Variants in TTN observed in about 807,000 individuals in gnomAD.
The protein encoded by TTN is connectin.
In TTN, 1,525 loss-of-function variants were observed where a neutral mutation model predicts 3,223.0. The ratio of observed to expected loss-of-function variants is 0.47; its 90% CI spans 0.45 to 0.49. TTN has a LOEUF of 0.49. Ranked by LOEUF, TTN falls within the 20% of genes least tolerant of loss-of-function variation. The probability of loss-of-function intolerance (pLI) is 0.00; values close to 1 mark genes in which losing one functional copy is unlikely to be tolerated. For missense variants in TTN, 40,786 were observed against 43,424.0 expected (o/e 0.94, Z 5.40); for synonymous variants, 14,094 against 15,161.0 (o/e 0.93, Z 5.17).
intron 21 of TTN, among the ~76,000 whole-genome samples, chr2:178,780,764 T>C (rs2092694368): frequency 6.6e-6 from 1 of 152,210 alleles, no homozygotes. Context: ...ACACAGCTAC[T>C]GTCTCTTTGA....
rs377256863 is a variant in TTN, at chr2:178,547,535, T to C, written c.94091A>G (p.Lys31364Arg). The part of the protein sequence containing the change: ...TAWQLVNSSV[K>R]RTQIKVTHLT... ...ATGAGTGACTTTAATTTGAGTGCGC[T>C]TGACACTGGAATTGACAAGCTGCCA... The change falls in exon 339 of 363, where the codon AAG (lysine) becomes AGG (arginine). Residue 31364 changes from lysine to arginine, a missense_variant. Lys to Arg is a conservative substitution (Grantham distance 26). Transcript: ENST00000589042. 1.1e-5 allele frequency: 18 copies of C among 1,613,712 alleles called. No homozygotes were observed. In the Admixed American group the frequency reaches 2.8e-4, roughly 25 times the overall value.
chr2:178,544,388 T>C lies in TTN; in HGVS notation c.95841A>G (p.Glu31947=), dbSNP rs370652120. ...GGTDIVGYVL[E]MQEKDTDQWY... ...ACTGATCAGTGTCCTTCTCTTGCAT[T>C]TCCAGAACATATCCTACAATGTCAG... Residue 31947 remains glutamate, a synonymous_variant, in exon 345 of 363, where the codon GAA becomes GAG. Coordinates refer to ENST00000589042, the MANE Select transcript of TTN (RefSeq NM_001267550.2). 47 of 1,613,676 alleles carry C rather than the reference T, an allele frequency of 2.9e-5. No homozygotes were observed. Among genetic ancestry groups the C allele is most frequent in the Non-Finnish European group, 4.0e-5 (47 of 1,179,744 alleles).
rs766840243 is a variant in TTN at position 178,563,892 on chromosome 2, G to A, written c.82240C>T (p.Arg27414Ter). 1 of 1,613,618 alleles carries A rather than the reference G, an allele frequency of 6.2e-7. No individual in the cohort carries two copies. The highest frequency in any genetic ancestry group is 8.5e-7 in the Non-Finnish European group (1 of 1,179,714). Residue 27414 changes from arginine to a stop codon, truncating the protein, a stop_gained, in exon 326 of 363, where the codon CGA becomes TGA. Coordinates refer to ENST00000589042, the MANE Select transcript of TTN (RefSeq NM_001267550.2). LOFTEE classifies it high-confidence loss of function. This position sits in a 1 kb window ranked among gnomAD's most constrained non-coding sequence, Gnocchi z 4.5. The stretch of plus-strand genomic sequence containing the variant: ...GTTGAAACCTGGGTCCAAGAGAGTC[G>A]GCTTGTCTCCCTCTTTTCAATGATG... ...HYIIEKRETS[R>*]LSWTQVSTEV...
rs969387315 is a variant in TTN at position 178,751,260 on chromosome 2, C to T, written c.11311+1864G>A. ...TCTAAAAGAGATAATTTCTTTTTCT[C>T]CATTAATGTTTTTCTAGCCTCCCTT... On this transcript the variant is annotated intron_variant, in intron 47 of 362. Transcript: ENST00000589042. 1.1e-5 allele frequency: 18 copies of T among 1,608,632 alleles called. No homozygotes were observed. In the African/African-American group the frequency reaches 1.6e-4, roughly 14 times the overall value.
Position 178,538,101 on chromosome 2 carries a change from G to A in TTN, c.99290-184C>T, listed in dbSNP as rs962877578. 4 of 610,320 alleles carry A rather than the reference G, an allele frequency of 6.6e-6. No homozygotes were observed. In the African/African-American group the frequency reaches 7.4e-5, roughly 11 times the overall value. 37.8% of individuals were successfully genotyped at this position (610,320 alleles called of 1,614,324 possible). A position where few individuals can be genotyped will look rare whatever the true frequency, so the allele number is the denominator to read the frequency against. Reference sequence around the variant, plus strand: ...ATCATATGGTAAATAGGGATTCAATGAGCACATCGTCACATTTTATGTAGA... The same window carrying A: ...ATCATATGGTAAATAGGGATTCAATAAGCACATCGTCACATTTTATGTAGA... On this transcript the variant is annotated intron_variant, in intron 354 of 362. Coordinates refer to ENST00000589042, the MANE Select transcript of TTN (RefSeq NM_001267550.2).
In TTN at chr2:178,546,384, C is replaced by G; in HGVS notation, c.94947G>C (p.Trp31649Cys). Reference sequence around the variant, plus strand: ...GATCTAGCTCCTTGTCTCCTTTGGTCCAGATAATTTTGGGTTCAGGTTTGC... The same window carrying G: ...GATCTAGCTCCTTGTCTCCTTTGGTGCAGATAATTTTGGGTTCAGGTTTGC... ...VGGKPEPKII[W>C]TKGDKELDLC... is the part of the protein sequence containing the mutation. The change falls in exon 342 of 363, where the codon TGG (tryptophan) becomes TGC (cysteine). Residue 31649 changes from tryptophan to cysteine, a missense_variant. By Grantham distance (215) the Trp-to-Cys change is radical. Coordinates refer to ENST00000589042, the MANE Select transcript of TTN (RefSeq NM_001267550.2). 6.2e-7 allele frequency: 1 copy of G among 1,613,690 alleles called. No individual in the cohort carries two copies. Among genetic ancestry groups the G allele is most frequent in the Non-Finnish European group, 8.5e-7 (1 of 1,179,750 alleles).
rs1553627146 is a variant in TTN, at chr2:178,582,094, A to C, written c.66275T>G (p.Leu22092Arg). 1 of 1,613,130 alleles carries C rather than the reference A, an allele frequency of 6.2e-7. No individual in the cohort carries two copies. The highest frequency in any genetic ancestry group is 8.5e-7 in the Non-Finnish European group (1 of 1,179,506). The change falls in exon 315 of 363, where the codon CTT becomes CGT. Residue 22092 changes from leucine to arginine, a missense_variant. Leu to Arg is a moderately radical substitution (Grantham distance 102, BLOSUM62 -2). Coordinates refer to ENST00000589042, the MANE Select transcript of TTN (RefSeq NM_001267550.2). Reference sequence around the variant, plus strand: ...AACAGCCTGGGTTTCCCGCTTTTCAAGCAAATAGCCAGTGATGGGTGAGCC... The same window carrying C: ...AACAGCCTGGGTTTCCCGCTTTTCACGCAAATAGCCAGTGATGGGTGAGCC... The part of the protein sequence containing the change: ...DGGSPITGYL[L>R]EKRETQAVNW...
At position 178,663,663 on chromosome 2, in the gene TTN, C is replaced by T; in HGVS notation, c.36496G>A (p.Ala12166Thr). 1 of 1,613,420 alleles carries T rather than the reference C, an allele frequency of 6.2e-7. No homozygotes were observed. Among genetic ancestry groups the T allele is most frequent in the Non-Finnish European group, 8.5e-7 (1 of 1,179,698 alleles). Reference sequence around the variant, plus strand: ...GGGACTTCAGGCTCTTTAGGAGGAGCCACTGGCGCTTTCTTTTCAGGAACT... The same window carrying T: ...GGGACTTCAGGCTCTTTAGGAGGAGTCACTGGCGCTTTCTTTTCAGGAACT... ...EVVPEKKAPV[A>T]PPKEPEVPPV... Residue 12166 changes from alanine (A) to threonine (T), a missense_variant, in exon 171 of 363, where the codon GCT (alanine) becomes ACT (threonine). Transcript: ENST00000589042.
In TTN at chr2:178,553,990, T is replaced by C. The variant is rs767427521; in HGVS notation, c.89121A>G (p.Arg29707=). The C allele has an allele frequency of 6.2e-7, 1 of 1,613,198 alleles. No individual in the cohort carries two copies. Among genetic ancestry groups the C allele is most frequent in the South Asian group, 1.1e-5 (1 of 91,070 alleles). ...GTCCAGCAGCGTTTACAGCACAAAC[T>C]CTGTATTGATAGTCACTGTTTTCTG... ...GLTENSDYQY[R]VCAVNAAGQG... Residue 29707 remains arginine (R), a synonymous_variant, in exon 333 of 363, where the codon AGA becomes AGG. Coordinates refer to ENST00000589042, the MANE Select transcript of TTN (RefSeq NM_001267550.2).
chr2:178,675,532 T>C (rs2067889053), intron 149 of TTN, 139 bp downstream of exon 149: 3 of 619,404 alleles, frequency 4.8e-6, no homozygotes, highest in Admixed American at 7.8e-5. Flanking sequence ...CAACACAAAC[T>C]TGGGTGCAAA....
chr2:178,587,538 T>C lies in TTN; in HGVS notation c.63771A>G (p.Val21257=). ...TLVNPAGEKA[V]FVNVRVLDTP... The stretch of plus-strand genomic sequence containing the variant: ...CACCTAATACTCTGACATTTACGAA[T>C]ACAGCCTTTTCTCCTGCTGGGTTCA... The change falls in exon 306 of 363, where the codon GTA becomes GTG. Residue 21257 remains valine, a synonymous_variant. Transcript: ENST00000589042. The C allele has an allele frequency of 1.2e-6, 2 of 1,610,056 alleles. No homozygotes were observed. Among genetic ancestry groups the C allele is most frequent in the Non-Finnish European group, 1.7e-6 (2 of 1,177,796 alleles).
At chr2:178,775,228 G>A in intron 28 of TTN, 26 bp from the exon 29 acceptor site, 1 of 1,613,400 alleles carries the variant, frequency 6.2e-7, no homozygotes, top group Non-Finnish European at 8.5e-7. Context: ...GGGGGAAAAA[G>A]GGGAGAGCAC....
In TTN at chr2:178,574,269, T is replaced by G; in HGVS notation, c.71863A>C (p.Lys23955Gln). The change falls in exon 326 of 363, where the codon AAA becomes CAA. Residue 23955 changes from lysine to glutamine, a missense_variant. Transcript: ENST00000589042. ...WAKPEYTGGFKITSYIVEKRD... is the reference protein window; with the variant it reads ...WAKPEYTGGFQITSYIVEKRD... ...TTTTCAACGATATAACTGGTAATTT[T>G]AAAGCCCCCAGTATATTCAGGCTTA... 1 of 1,612,820 alleles carries G rather than the reference T, an allele frequency of 6.2e-7. No individual in the cohort carries two copies. The highest frequency in any genetic ancestry group is 8.5e-7 in the Non-Finnish European group (1 of 1,179,094).
Position 178,575,816 on chromosome 2 carries a change from A to G in TTN, c.70316T>C (p.Val23439Ala). The G allele has an allele frequency of 6.2e-7, 1 of 1,613,254 alleles. No homozygotes were observed. The highest frequency in any genetic ancestry group is 8.5e-7 in the Non-Finnish European group (1 of 1,179,412). The change falls in exon 326 of 363, where the codon GTC becomes GCC. Residue 23439 changes from valine to alanine, a missense_variant. Physicochemically the swap from Val to Ala is moderately conservative, Grantham distance 64. Coordinates refer to ENST00000589042, the MANE Select transcript of TTN (RefSeq NM_001267550.2). This position sits in a 1 kb window ranked among gnomAD's most constrained non-coding sequence, Gnocchi z 4.0. ...GATGTCTGTAGGCCGCAGGTTGAGG[A>G]CTGGGCCTGGCGTGTCCAAGACTCT... ...NVRVLDTPGP[V>A]LNLRPTDITK...
In TTN at chr2:178,684,700, T is replaced by G. The variant is rs2070369971; in HGVS notation, c.32604A>C (p.Lys10868Asn). The change falls in exon 131 of 363, where the codon AAA becomes AAC. Residue 10868 changes from lysine to asparagine, a missense_variant. Transcript: ENST00000589042. ...GGAGAGGTTCTTCCATCTTAATGAC[T>G]TTTGGAGGAACCTTTTTTTCTGGAA... is the stretch of plus-strand genomic sequence containing the variant. ...KPVPEKKVPP[K>N]VIKMEEPLPA... 1 of 1,613,418 alleles carries G rather than the reference T, an allele frequency of 6.2e-7. No individual in the cohort carries two copies. Among genetic ancestry groups the G allele is most frequent in the Admixed American group, 1.7e-5 (1 of 59,944 alleles).
chr2:178,793,653 A>G lies in TTN; in HGVS notation c.1399-112T>C, dbSNP rs1384808586. ...TCCTCTACTAAAAAATACAAAAATT[A>G]GCTGGGTGTGGTGGCGCACACCTGT... On this transcript the variant is annotated intron_variant, in intron 8 of 362. Coordinates refer to ENST00000589042, the MANE Select transcript of TTN (RefSeq NM_001267550.2). 14 of 1,482,430 alleles carry G rather than the reference A, an allele frequency of 9.4e-6. No homozygotes were observed. The East Asian group carries it at 3.3e-4, about 35-fold the overall frequency. The allele number at this position is 1,482,430 out of a possible 1,614,324, so 91.8% of individuals were successfully genotyped here.
rs1194834510 is a variant in TTN at position 178,570,975 on chromosome 2, A to G, written c.75157T>C (p.Trp25053Arg). ...ATATTTGTAAAACTGGCTTTCATCC[A>G]ACGGCCCTCAGGTAATTCTTTCTTC... ...VEKKELPEGRWMKASFTNIID... is the reference protein window; with the variant it reads ...VEKKELPEGRRMKASFTNIID... Residue 25053 changes from tryptophan (W) to arginine (R), a missense_variant, in exon 326 of 363, where the codon TGG becomes CGG. Trp to Arg is a moderately radical substitution (Grantham distance 101). Transcript: ENST00000589042. 2 of 1,613,342 alleles carry G rather than the reference A, an allele frequency of 1.2e-6. No individual in the cohort carries two copies. The highest frequency in any genetic ancestry group is 2.2e-5 in the East Asian group (1 of 44,842).
Position 178,701,070 on chromosome 2 carries a change from C to A in TTN, c.30682+50G>T. The A allele has an allele frequency of 1.9e-6, 3 of 1,581,364 alleles. No individual in the cohort carries two copies. In the South Asian group the frequency reaches 3.4e-5, roughly 18 times the overall value. ...TTGTATTAAGCAACATTTTTCGGGT[C>A]AGCAGAGTGAAATTCTTATTTCGAC... On this transcript the variant is annotated intron_variant, in intron 111 of 362. Transcript: ENST00000589042.
At chr2:178,711,384 A>G (rs747978166) in intron 96 of TTN, 35 bp from the exon 97 acceptor site, 1 of 1,524,026 alleles carries the variant, frequency 6.6e-7, no homozygotes, top group Non-Finnish European at 8.8e-7. Context: ...AAATACTTTA[A>G]TTTACTAAAT....
Sources: allele counts gnomAD v4.1 joint callset (sites outside exome capture counted in the v4.1 genomes callset), GRCh38; gene constraint gnomAD v4.1.1; non-coding constraint Gnocchi (gnomAD v3.1); transcripts MANE v1.5; gene names NCBI Gene and HGNC (gene_info 2026-07-23, HGNC 2026-07-21).